LPP: variants seen among roughly 807,000 people sequenced by gnomAD.
LPP encodes the protein lipoma-preferred partner.
In LPP, 38 loss-of-function variants were observed where a neutral mutation model predicts 60.4. That is an observed-to-expected ratio of 0.63 (90% CI 0.49 to 0.83). The LOEUF (loss-of-function observed/expected upper bound fraction) is 0.83, where lower values mean the gene tolerates loss of function less well. LPP is among the 40% of genes least tolerant of loss of function. The pLI, the probability that LPP is intolerant of heterozygous loss-of-function variation, is 0.00. For missense variants in LPP, 902 were observed against 783.6 expected (o/e 1.15, Z -1.80); for synonymous variants, 328 against 290.8 (o/e 1.13, Z -1.30).
At chr3:188,205,805 T>G (rs1478822073) in intron 1 of LPP, among the ~76,000 whole-genome samples, 1 of 152,094 alleles carries the variant, frequency 6.6e-6, no homozygotes, top group African/African-American at 2.4e-5. Flanking sequence ...CCTGAGAGAC[T>G]CCAGGAGTCA....
intron 1 of LPP, among the ~76,000 whole-genome samples, chr3:188,185,407 G>C (rs932056119): frequency 1.3e-5 from 2 of 151,218 alleles, no homozygotes; most frequent in Admixed American, 1.3e-4. Context: ...AGATAACTCT[G>C]TTTTCCCCCT....
At chr3:188,340,302 A>G (rs1193003738) in intron 2 of LPP, among the ~76,000 whole-genome samples, 1 of 152,108 alleles carries the variant, frequency 6.6e-6, no homozygotes, top group Non-Finnish European at 1.5e-5. Flanking sequence ...TGATTTTTCA[A>G]GCTATAAAAT....
intron 2 of LPP, among the ~76,000 whole-genome samples, chr3:188,254,372 G>C (rs1205901657): frequency 6.6e-6 from 1 of 152,138 alleles, no homozygotes; most frequent in African/African-American, 2.4e-5. Flanking sequence ...GTCCTCATCA[G>C]GTTAGGCCTG....
At chr3:188,819,350 A>G (rs1394949527) in intron 9 of LPP, among the ~76,000 whole-genome samples, 1 of 151,330 alleles carries the variant, frequency 6.6e-6, no homozygotes, top group African/African-American at 2.4e-5. Flanking sequence ...TGTTATTCCC[A>G]TCTTTACATC....
chr3:188,837,728 T>G (rs540954393), intron 9 of LPP, among the ~76,000 whole-genome samples: 6 of 152,310 alleles, frequency 3.9e-5, no homozygotes, highest in African/African-American at 1.4e-4. Context: ...CCTTTGAGAT[T>G]ATTTTAAATA....
chr3:188,519,747 T>C (rs1190300387), intron 5 of LPP, among the ~76,000 whole-genome samples: 4 of 152,168 alleles, frequency 2.6e-5, no homozygotes, highest in African/African-American at 4.8e-5. Flanking sequence ...GCTAGTGTGA[T>C]GAAATGGTGG....
chr3:188,362,486 C>T (rs1402464861), intron 3 of LPP, among the ~76,000 whole-genome samples: 2 of 152,204 alleles, frequency 1.3e-5, no homozygotes, highest in African/African-American at 4.8e-5. Context: ...CTCCTTTGGA[C>T]ATCCTCCTTC....
At chr3:188,688,470 T>C (rs567177578) in intron 7 of LPP, among the ~76,000 whole-genome samples, 84 of 152,292 alleles carry the variant, frequency 5.5e-4, no homozygotes, top group Non-Finnish European at 8.2e-4. Flanking sequence ...TCAATGAACA[T>C]TTGTTGAACA....
chr3:188,785,701 T>A (rs1394822204), intron 9 of LPP, among the ~76,000 whole-genome samples: 1 of 151,676 alleles, frequency 6.6e-6, no homozygotes, highest in Non-Finnish European at 1.5e-5. Context: ...TCGTATGACT[T>A]CTTTTCCTCT....
At chr3:188,343,466 T>C (rs535567706) in intron 3 of LPP, among the ~76,000 whole-genome samples, 166 of 152,360 alleles carry the variant, frequency 1.1e-3, no homozygotes, top group Admixed American at 1.4e-3. Flanking sequence ...AGATACCTAC[T>C]ATCATAGTTT....
At chr3:188,703,553 C>T (rs765061466) in intron 7 of LPP, among the ~76,000 whole-genome samples, 2 of 152,052 alleles carry the variant, frequency 1.3e-5, no homozygotes, top group Non-Finnish European at 2.9e-5. Flanking sequence ...TAGTGACAGC[C>T]GTGGAGTGGA....
Position 188,430,469 on chromosome 3 carries a change from C to T in LPP, c.193+24156C>T, listed in dbSNP as rs142204263. On this transcript the variant is annotated intron_variant, in intron 4 of 11. Coordinates refer to ENST00000617246, the MANE Select transcript of LPP (RefSeq NM_001375462.1). ...ACACACCACCACTATCTGGTTGTAC[C>T]GTGACTGAAATATCAGTTAATTGGA... is the stretch of plus-strand genomic sequence containing the variant. 3.7e-4 allele frequency among the ~76,000 whole-genome samples: 56 copies of T among 152,046 alleles called. 1 individual carries two copies. The East Asian group carries it at 9.1e-3, about 25-fold the overall frequency.
intron 2 of LPP, among the ~76,000 whole-genome samples, chr3:188,242,295 C>T (rs150001057): frequency 6.6e-6 from 1 of 152,096 alleles, no homozygotes; most frequent in African/African-American, 2.4e-5. Flanking sequence ...TTTTTATCCT[C>T]TCCATCCTCA....
chr3:188,479,477 G>A (rs1366270811), intron 4 of LPP, among the ~76,000 whole-genome samples: 2 of 152,234 alleles, frequency 1.3e-5, no homozygotes, highest in Non-Finnish European at 1.5e-5. Context: ...TGAGATGTAC[G>A]AGTCAAAGAC....
intron 8 of LPP, among the ~76,000 whole-genome samples, chr3:188,752,284 A>G (rs1297064998): frequency 6.6e-6 from 1 of 152,222 alleles, no homozygotes; most frequent in East Asian, 1.9e-4. Flanking sequence ...GAATGGCTGG[A>G]TAAGTGACTC....
At chr3:188,338,520 G>C (rs554777969) in intron 2 of LPP, among the ~76,000 whole-genome samples, 2 of 152,282 alleles carry the variant, frequency 1.3e-5, no homozygotes, top group African/African-American at 2.4e-5. Context: ...GTGGTTTTGG[G>C]ATAACTGTGA....
intron 4 of LPP, among the ~76,000 whole-genome samples, chr3:188,440,680 C>A (rs1453971620): frequency 6.6e-6 from 1 of 152,120 alleles, no homozygotes; most frequent in East Asian, 1.9e-4. Flanking sequence ...ACTGCTGGTA[C>A]CAATTTTACC....
Position 188,803,311 on chromosome 3 carries a change from G to A in LPP, c.1410+43029G>A, listed in dbSNP as rs115555239. Among the ~76,000 whole-genome samples the A allele has an allele frequency of 1.9e-3, 292 of 152,178 alleles. 3 individuals carry two copies. Among genetic ancestry groups the A allele is most frequent in the South Asian group, 4.8e-3 (23 of 4,818 alleles). ...CCACCTGCCTTGGCTAGGATTACAG[G>A]CATTAGCCACTATGCTCAACTTGTT... On this transcript the variant is annotated intron_variant, in intron 9 of 11. Transcript: ENST00000617246.
chr3:188,159,401 T>G (rs1400270885), intron 1 of LPP, among the ~76,000 whole-genome samples: 3 of 152,216 alleles, frequency 2.0e-5, no homozygotes. Flanking sequence ...GACCCCAGGA[T>G]GTTCAGTAGC....
Sources: allele counts gnomAD v4.1 joint callset (sites outside exome capture counted in the v4.1 genomes callset), GRCh38; gene constraint gnomAD v4.1.1; transcripts MANE v1.5; gene names NCBI Gene and HGNC (gene_info 2026-07-23, HGNC 2026-07-21).